ARHGAP10: variants seen among roughly 807,000 people sequenced by gnomAD.
The protein encoded by ARHGAP10 is Rho GTPase activating protein 10.
Under a neutral mutation model 108.6 loss-of-function variants are expected in ARHGAP10, and 87 were observed. That is an observed-to-expected ratio of 0.80 (90% CI 0.67 to 0.96). The LOEUF is 0.96. ARHGAP10 is among the 40% of genes least tolerant of loss of function. The pLI, the probability that ARHGAP10 is intolerant of heterozygous loss-of-function variation, is 0.00. For missense variants in ARHGAP10, 939 were observed against 954.5 expected, an observed-to-expected ratio of 0.98 and a Z score of 0.21; for synonymous variants, 347 against 341.1, an observed-to-expected ratio of 1.02 and a Z score of -0.19.
At chr4:148,069,711 C>T (rs1730070829) in intron 22 of ARHGAP10, among the ~76,000 whole-genome samples, 2 of 152,168 alleles carry the variant, frequency 1.3e-5, no homozygotes, top group African/African-American at 4.8e-5. Context: ...CCCCGTATTG[C>T]AGGTAACAGC....
chr4:148,051,483 T>A (rs557289571), intron 20 of ARHGAP10, among the ~76,000 whole-genome samples: 31 of 152,358 alleles, frequency 2.0e-4, no homozygotes, highest in African/African-American at 7.5e-4. Flanking sequence ...GGCATTGCTA[T>A]CTGCTTCCTC....
At chr4:147,919,000 C>G (rs1737111209) in intron 13 of ARHGAP10, among the ~76,000 whole-genome samples, 2 of 152,330 alleles carry the variant, frequency 1.3e-5, no homozygotes, top group South Asian at 4.1e-4. Flanking sequence ...TCCTCTTCTA[C>G]TAAATTCTCT....
chr4:147,826,200 C>T (rs1487895055), intron 3 of ARHGAP10, among the ~76,000 whole-genome samples: 1 of 152,168 alleles, frequency 6.6e-6, no homozygotes, highest in Non-Finnish European at 1.5e-5. Context: ...TATTCTGTTT[C>T]TGTTTTAGGT....
chr4:147,750,526 A>G (rs921179728), intron 1 of ARHGAP10, among the ~76,000 whole-genome samples: 5 of 152,106 alleles, frequency 3.3e-5, no homozygotes, highest in Non-Finnish European at 7.3e-5. Flanking sequence ...TCATCACCCA[A>G]CCTATTTGTT....
chr4:147,912,546 CAAATATATATATAT>C (rs1736790363), intron 12 of ARHGAP10, among the ~76,000 whole-genome samples: 1 of 63,224 alleles, frequency 1.6e-5, no homozygotes, highest in Non-Finnish European at 2.6e-5. Context: ...AACAAACAAA[CAAATATATATATAT>C]ATATATATAT....
At chr4:147,838,159 A>G (rs1382279112) in intron 3 of ARHGAP10, among the ~76,000 whole-genome samples, 3 of 152,070 alleles carry the variant, frequency 2.0e-5, no homozygotes, top group Non-Finnish European at 4.4e-5. Flanking sequence ...TACATTCTGA[A>G]TTTTTCAGTA....
At chr4:148,059,354 T>C (rs1000670496) in intron 20 of ARHGAP10, among the ~76,000 whole-genome samples, 3 of 152,204 alleles carry the variant, frequency 2.0e-5, no homozygotes, top group African/African-American at 4.8e-5. Flanking sequence ...ACTTAGGTAC[T>C]TTTTTGTACT....
intron 13 of ARHGAP10, among the ~76,000 whole-genome samples, chr4:147,935,850 A>G (rs1737909676): frequency 6.6e-6 from 1 of 152,224 alleles, no homozygotes; most frequent in Non-Finnish European, 1.5e-5. Flanking sequence ...TTCATTTAAA[A>G]ATGTAGAAAC....
At chr4:147,792,330 C>A (rs2126748046) in intron 1 of ARHGAP10, among the ~76,000 whole-genome samples, 1 of 152,288 alleles carries the variant, frequency 6.6e-6, no homozygotes, top group South Asian at 2.1e-4. Flanking sequence ...GCCTTTCAGG[C>A]TTTTTCTTTT....
At chr4:147,975,213 G>A (rs1485326167) in intron 18 of ARHGAP10, among the ~76,000 whole-genome samples, 1 of 152,014 alleles carries the variant, frequency 6.6e-6, no homozygotes, top group Non-Finnish European at 1.5e-5. Flanking sequence ...TTTTTTTGGT[G>A]TGACAGTGGA....
intron 7 of ARHGAP10, among the ~76,000 whole-genome samples, chr4:147,868,243 G>GT (rs66538210): frequency 0.15 from 21,692 of 145,370 alleles, 2,141 homozygotes; most frequent in African/African-American, 0.29. Context: ...AGTTTTTTTT[G>GT]TTTTTTTTTT....
chr4:148,050,492 G>A (rs1729086416), intron 20 of ARHGAP10, among the ~76,000 whole-genome samples: 1 of 149,206 alleles, frequency 6.7e-6, no homozygotes, highest in African/African-American at 2.5e-5. Flanking sequence ...TCCTGCCTCA[G>A]CCTCCCGAGT....
chr4:147,784,330 A>G (rs1033757320), intron 1 of ARHGAP10, among the ~76,000 whole-genome samples: 6 of 130,142 alleles, frequency 4.6e-5, no homozygotes, highest in Non-Finnish European at 9.3e-5. Context: ...CATAATTTAC[A>G]TAACATTAAA....
chr4:147,823,954 G>C (rs1732604233), intron 3 of ARHGAP10, among the ~76,000 whole-genome samples: 3 of 152,128 alleles, frequency 2.0e-5, no homozygotes, highest in Admixed American at 2.0e-4. Context: ...AATTAAACCA[G>C]ATTTACAGCA....
intron 3 of ARHGAP10, among the ~76,000 whole-genome samples, chr4:147,832,275 A>G (rs1343128175): frequency 1.3e-5 from 2 of 152,088 alleles, no homozygotes; most frequent in African/African-American, 4.8e-5. Flanking sequence ...TCATGAAAAT[A>G]TTAGATGGTA....
At chr4:147,850,777 G>A (rs541110416) in intron 4 of ARHGAP10, among the ~76,000 whole-genome samples, 7 of 152,308 alleles carry the variant, frequency 4.6e-5, no homozygotes, top group Admixed American at 2.0e-4. Context: ...GATGCATCAC[G>A]TCAAGAGTTT....
chr4:147,949,457 C>A (rs1340184809), intron 15 of ARHGAP10, among the ~76,000 whole-genome samples: 2 of 152,176 alleles, frequency 1.3e-5, no homozygotes, highest in African/African-American at 4.8e-5. Flanking sequence ...GGATGTTTGG[C>A]CATGTTTGGA....
At chr4:147,831,337 A>G (rs1732947323) in intron 3 of ARHGAP10, among the ~76,000 whole-genome samples, 1 of 152,228 alleles carries the variant, frequency 6.6e-6, no homozygotes, top group Admixed American at 6.5e-5. Flanking sequence ...GAATAGGTTT[A>G]GTAGGATTTT....
chr4:148,032,344 C>A (rs770290362), intron 19 of ARHGAP10, among the ~76,000 whole-genome samples: 7 of 66,792 alleles, frequency 1.0e-4, no homozygotes, highest in Non-Finnish European at 1.8e-4. Flanking sequence ...CCCCCCCCCC[C>A]CCATATTGTA....
Sources: allele counts gnomAD v4.1 joint callset (sites outside exome capture counted in the v4.1 genomes callset), GRCh38; gene constraint gnomAD v4.1.1; transcripts MANE v1.5; gene names NCBI Gene and HGNC (gene_info 2026-07-23, HGNC 2026-07-21).